Variants in HDAC4 observed in about 807,000 individuals in gnomAD.
The protein encoded by HDAC4 is histone deacetylase 4.
Under a neutral mutation model 135.1 loss-of-function variants are expected in HDAC4, and 16 were observed. The ratio of observed to expected loss-of-function variants is 0.12; its 90% confidence interval spans 0.08 to 0.18. The LOEUF (loss-of-function observed/expected upper bound fraction) is 0.18. HDAC4 is among the 10% of genes least tolerant of loss of function. HDAC4 has a pLI of 1.00. For synonymous variants in HDAC4, 685 were observed against 653.4 expected (o/e 1.05, Z -0.74); for missense variants, 1,143 against 1,511.8 (o/e 0.76, Z 4.05).
intron 2 of HDAC4, among the ~76,000 whole-genome samples, chr2:239,243,116 G>A (rs1245148916): frequency 1.3e-5 from 2 of 150,416 alleles, no homozygotes; most frequent in Admixed American, 6.6e-5. Flanking sequence ...TCAATATTTC[G>A]TTATGAGCAT....
intron 3 of HDAC4, among the ~76,000 whole-genome samples, chr2:239,196,996 C>T (rs75580279): frequency 0.018 from 2,702 of 152,260 alleles, 66 homozygotes; most frequent in East Asian, 0.12. Context: ...CTGCTGCTGG[C>T]CTGGACGGGT....
chr2:239,160,021 C>T (rs567897494), intron 6 of HDAC4, among the ~76,000 whole-genome samples: 1 of 152,344 alleles, frequency 6.6e-6, no homozygotes, highest in Non-Finnish European at 1.5e-5. Context: ...CATTTCAGTT[C>T]CAAACCATTG....
rs1304864958 is a variant in HDAC4 at position 239,208,151 on chromosome 2, T to C, written c.95-18074A>G. Among the ~76,000 whole-genome samples, 2 of 148,034 alleles carry C rather than the reference T, an allele frequency of 1.4e-5. 1 individual carries two copies. Among genetic ancestry groups the C allele is most frequent in the Middle Eastern group, 6.5e-3 (2 of 306 alleles). On this transcript the variant is annotated intron_variant, in intron 3 of 26. Coordinates refer to ENST00000543185, the MANE Select transcript of HDAC4 (RefSeq NM_001378414.1). ...TCCTGGCTAACACGGTGAAACCCCG[T>C]CCCTACTAAAAATACAAAAAAAAAA...
intron 2 of HDAC4, among the ~76,000 whole-genome samples, chr2:239,322,962 G>C (rs1437877286): frequency 6.6e-6 from 1 of 152,136 alleles, no homozygotes; most frequent in Admixed American, 6.5e-5. Flanking sequence ...CATAGTGGGT[G>C]GGGTGCACGT....
intron 2 of HDAC4, among the ~76,000 whole-genome samples, chr2:239,350,911 GATT>G (rs1255955854): frequency 6.6e-6 from 1 of 152,154 alleles, no homozygotes; most frequent in Non-Finnish European, 1.5e-5. Context: ...TACAAATTAT[GATT>G]ATGTGTACAC....
chr2:239,089,060 C>T (rs924492293), intron 18 of HDAC4, among the ~76,000 whole-genome samples: 2 of 152,216 alleles, frequency 1.3e-5, no homozygotes, highest in Non-Finnish European at 2.9e-5. Context: ...GAGGAGGCCA[C>T]GATTTGATTT....
At chr2:239,103,661 G>A (rs555902314) in intron 15 of HDAC4, among the ~76,000 whole-genome samples, 1 of 152,216 alleles carries the variant, frequency 6.6e-6, no homozygotes, top group Admixed American at 6.5e-5. Context: ...GCCTGAGCAG[G>A]ATCTGCTCTC....
At chr2:239,314,422 C>T (rs2125722267) in intron 2 of HDAC4, among the ~76,000 whole-genome samples, 1 of 152,288 alleles carries the variant, frequency 6.6e-6, no homozygotes, top group South Asian at 2.1e-4. Context: ...CTGGTGGCTT[C>T]CTCAACCTCC....
intron 5 of HDAC4, among the ~76,000 whole-genome samples, chr2:239,165,737 GTGT>G (rs1200571917): frequency 6.6e-6 from 1 of 152,224 alleles, no homozygotes; most frequent in Non-Finnish European, 1.5e-5. Context: ...CTCCGTGTGT[GTGT>G]GCATTTACCC....
At chr2:239,186,102 T>G (rs1355135183) in intron 4 of HDAC4, among the ~76,000 whole-genome samples, 1 of 152,068 alleles carries the variant, frequency 6.6e-6, no homozygotes, top group Non-Finnish European at 1.5e-5. Context: ...GATCCGCTTC[T>G]TGGTGGAAAA....
At chr2:239,350,364 T>A (rs1390953658) in intron 2 of HDAC4, among the ~76,000 whole-genome samples, 1 of 151,918 alleles carries the variant, frequency 6.6e-6, no homozygotes, top group Admixed American at 6.6e-5. Context: ...AAAAATACAC[T>A]TTTCCAAGAA....
chr2:239,214,092 A>G lies in HDAC4; in HGVS notation c.94+22501T>C, dbSNP rs149648139. On this transcript the variant is annotated intron_variant, in intron 3 of 26. Coordinates refer to ENST00000543185, the MANE Select transcript of HDAC4 (RefSeq NM_001378414.1). ...TAAACTCAATGGCTTGAAACAACGTATGTTTATTATCTTACAGTTCCGGAG... is the reference window on the plus strand; with the variant it reads ...TAAACTCAATGGCTTGAAACAACGTGTGTTTATTATCTTACAGTTCCGGAG... 2.3e-3 allele frequency among the ~76,000 whole-genome samples: 350 copies of G among 152,300 alleles called. 1 individual carries two copies. The highest frequency in any genetic ancestry group is 8.1e-3 in the African/African-American group (335 of 41,586).
At chr2:239,336,015 A>G (rs540469857) in intron 2 of HDAC4, among the ~76,000 whole-genome samples, 8 of 152,368 alleles carry the variant, frequency 5.3e-5, no homozygotes, top group East Asian at 3.9e-4. Flanking sequence ...ATAATTTGTG[A>G]TATGTTCATA....
rs2052392166 is a variant in HDAC4, at chr2:239,303,513, T to TAAGC, written c.22+49164_22+49165insGCTT. 6.6e-6 allele frequency among the ~76,000 whole-genome samples: 1 copy of TAAGC among 152,054 alleles called. No individual in the cohort carries two copies. Among genetic ancestry groups the TAAGC allele is most frequent in the Non-Finnish European group, 1.5e-5 (1 of 68,012 alleles). On this transcript the variant is annotated intron_variant, in intron 2 of 26. Coordinates refer to ENST00000543185, the MANE Select transcript of HDAC4 (RefSeq NM_001378414.1). This position sits in a 1 kb window ranked among gnomAD's most constrained non-coding sequence, Gnocchi z 5.1. Reference sequence around the variant, plus strand: ...TGCTTCCTCGATCTCCCCGCTCCTTTCTCGGGACAGCCTGTGGCTTGTTCT... The same window carrying TAAGC: ...TGCTTCCTCGATCTCCCCGCTCCTTTAAGCCTCGGGACAGCCTGTGGCTTGTTCT...
intron 1 of HDAC4, among the ~76,000 whole-genome samples, chr2:239,379,292 C>T (rs759083332): frequency 9.9e-5 from 15 of 152,106 alleles, no homozygotes; most frequent in South Asian, 4.1e-4. Context: ...TGCTGGCTCC[C>T]GCGCAGGTGG....
chr2:239,110,060 G>A (rs940713517), intron 14 of HDAC4, among the ~76,000 whole-genome samples: 1 of 152,216 alleles, frequency 6.6e-6, no homozygotes, highest in African/African-American at 2.4e-5. Context: ...ATGGCTGAGA[G>A]TGTGAGGTAC....
intron 2 of HDAC4, chr2:239,305,510 T>A (rs1055227582): frequency 2.0e-5 from 3 of 152,748 alleles, no homozygotes; most frequent in Non-Finnish European, 4.4e-5. Flanking sequence ...TCTTTCTTTG[T>A]GGAAGCCACT....
chr2:239,391,453 GC>G (rs754649426), intron 1 of HDAC4, among the ~76,000 whole-genome samples: 1 of 152,166 alleles, frequency 6.6e-6, no homozygotes, highest in Non-Finnish European at 1.5e-5. Flanking sequence ...TCAGCAGCAG[GC>G]CCCGGGCAGG....
intron 2 of HDAC4, among the ~76,000 whole-genome samples, chr2:239,350,531 G>A (rs1693062906): frequency 6.6e-6 from 1 of 151,694 alleles, no homozygotes; most frequent in Non-Finnish European, 1.5e-5. Flanking sequence ...TTGAGACGGA[G>A]TCTTGCTCTG....
Sources: allele counts gnomAD v4.1 joint callset (sites outside exome capture counted in the v4.1 genomes callset), GRCh38; gene constraint gnomAD v4.1.1; non-coding constraint Gnocchi (gnomAD v3.1); transcripts MANE v1.5; gene names NCBI Gene and HGNC (gene_info 2026-07-23, HGNC 2026-07-21).